Variants in LARGE1 observed in about 807,000 individuals in gnomAD.
The protein encoded by LARGE1 is LARGE xylosyl- and glucuronyltransferase 1, also known as xylosyl- and glucuronyltransferase LARGE1.
A neutral mutation model predicts 87.6 loss-of-function variants in LARGE1; 43 were observed. The observed-to-expected ratio is 0.49, with a 90% CI of 0.38 to 0.63. LARGE1 has a LOEUF of 0.63. Among genes scored for constraint, LARGE1 ranks in the 30% least tolerant of loss-of-function variants. LARGE1 has a pLI of 0.00. For missense variants in LARGE1, 802 were observed against 1,000.2 expected (o/e 0.80, Z 2.67); for synonymous variants, 434 against 394.6 (o/e 1.10, Z -1.18).
chr22:33,206,536 CGT>C (rs2078757795), intron 11 of LARGE1, among the ~76,000 whole-genome samples: 1 of 152,140 alleles, frequency 6.6e-6, no homozygotes, highest in Non-Finnish European at 1.5e-5. Context: ...AGTCACAAGT[CGT>C]TTGGGACAGA....
chr22:33,290,279 G>C (rs538149834), intron 12 of LARGE1, among the ~76,000 whole-genome samples: 4 of 152,232 alleles, frequency 2.6e-5, no homozygotes, highest in East Asian at 1.9e-4. Flanking sequence ...AAAGTGTCTC[G>C]GAAGACATAA....
intron 7 of LARGE1, among the ~76,000 whole-genome samples, chr22:33,430,032 G>A (rs2067021810): frequency 6.6e-6 from 1 of 152,172 alleles, no homozygotes; most frequent in Non-Finnish European, 1.5e-5. Context: ...CTCCTGCACA[G>A]ACCTAGTCAA....
At chr22:33,421,619 C>T (rs1403970288) in intron 7 of LARGE1, among the ~76,000 whole-genome samples, 2 of 152,250 alleles carry the variant, frequency 1.3e-5, no homozygotes, top group East Asian at 3.8e-4. Flanking sequence ...ATGTGCTAAA[C>T]CTTGTCTCAT....
chr22:33,604,340 C>T, intron 5 of LARGE1, 95 bp downstream of exon 5: 1 of 1,516,756 alleles, frequency 6.6e-7, no homozygotes, highest in South Asian at 1.1e-5. Context: ...CAGTTAGGAG[C>T]TGAGATTTCT....
At chr22:33,862,744 GTTC>G (rs1227926292) in intron 1 of LARGE1, among the ~76,000 whole-genome samples, 1 of 152,104 alleles carries the variant, frequency 6.6e-6, no homozygotes, top group Admixed American at 6.5e-5. Flanking sequence ...TAAAACATAA[GTTC>G]TTCTTGTGAG....
chr22:33,412,647 T>A (rs1332272241), intron 7 of LARGE1, among the ~76,000 whole-genome samples: 1 of 151,102 alleles, frequency 6.6e-6, no homozygotes, highest in Non-Finnish European at 1.5e-5. Flanking sequence ...ATAATCTGAT[T>A]TTTATTTTAT....
chr22:33,789,776 T>C (rs1030912238), intron 1 of LARGE1, among the ~76,000 whole-genome samples: 1 of 152,224 alleles, frequency 6.6e-6, no homozygotes, highest in African/African-American at 2.4e-5. Flanking sequence ...TTTTGGCCAA[T>C]GTCTCCAATT....
intron 9 of LARGE1, among the ~76,000 whole-genome samples, chr22:33,340,798 G>T (rs1302267803): frequency 1.3e-5 from 2 of 151,870 alleles, no homozygotes; most frequent in Non-Finnish European, 2.9e-5. Context: ...AAGAAACAGT[G>T]AAGAAGTGAC....
the LARGE1 span, among the ~76,000 whole-genome samples, chr22:33,107,484 G>A: frequency 2.4e-3 from 366 of 152,308 alleles, no homozygotes; most frequent in African/African-American, 8.0e-3. Context: ...GAGCCCAGGA[G>A]GTCGAGGCTG....
intron 11 of LARGE1, among the ~76,000 whole-genome samples, chr22:33,248,834 A>G (rs1171034173): frequency 6.6e-6 from 1 of 152,166 alleles, no homozygotes; most frequent in African/African-American, 2.4e-5. Flanking sequence ...GGCATCTTTT[A>G]CTTAGTAAAA....
chr22:33,319,687 C>T (rs964407537), intron 10 of LARGE1, among the ~76,000 whole-genome samples: 10 of 152,162 alleles, frequency 6.6e-5, no homozygotes, highest in Admixed American at 2.0e-4. Flanking sequence ...TGAGCTACCG[C>T]GCCCGGCCAA....
intron 6 of LARGE1, among the ~76,000 whole-genome samples, chr22:33,459,871 C>T (rs1256797409): frequency 6.6e-6 from 1 of 152,152 alleles, no homozygotes; most frequent in East Asian, 1.9e-4. Flanking sequence ...CCAATAGCAC[C>T]CAAGAACAAT....
At chr22:33,599,697 A>G (rs1238949386) in intron 5 of LARGE1, among the ~76,000 whole-genome samples, 1 of 152,138 alleles carries the variant, frequency 6.6e-6, no homozygotes, top group East Asian at 1.9e-4. Flanking sequence ...AACAGATATC[A>G]TAAGGGGCCC....
chr22:33,506,000 G>A (rs1353199245), intron 6 of LARGE1, among the ~76,000 whole-genome samples: 2 of 152,026 alleles, frequency 1.3e-5, no homozygotes, highest in East Asian at 3.9e-4. Context: ...GTGCCAATGT[G>A]CAAATCAAAG....
rs5845080 is a variant in LARGE1, at chr22:33,358,301, G to GTT, written c.1132-20502_1132-20501dup. Among the ~76,000 whole-genome samples, 417 of 150,848 alleles carry GTT rather than the reference G, an allele frequency of 2.8e-3. 1 individual carries two copies. The highest frequency in any genetic ancestry group is 0.01 in the Middle Eastern group (3 of 292). ...TAGATCTTCTCCCCCAAAACCAACT[G>GTT]TTTTTTTTTCTTCCTTGATCCATCC... On this transcript the variant is annotated intron_variant, in intron 9 of 14. Coordinates refer to ENST00000397394, the MANE Select transcript of LARGE1 (RefSeq NM_133642.5).
chr22:33,455,786 A>C (rs747042510), intron 6 of LARGE1, among the ~76,000 whole-genome samples: 41 of 145,340 alleles, frequency 2.8e-4, no homozygotes, highest in Non-Finnish European at 5.6e-4. Flanking sequence ...AAAAATTGCT[A>C]TTGGTTTAAA....
intron 7 of LARGE1, among the ~76,000 whole-genome samples, chr22:33,420,185 C>T (rs1473158012): frequency 1.3e-5 from 2 of 152,168 alleles, no homozygotes; most frequent in African/African-American, 4.8e-5. Context: ...GTCTTCGAAA[C>T]ACTTATCTTC....
chr22:33,587,285 G>A (rs1378543611), intron 5 of LARGE1, among the ~76,000 whole-genome samples: 1 of 152,102 alleles, frequency 6.6e-6, no homozygotes, highest in East Asian at 1.9e-4. Context: ...TTTCCTTGGA[G>A]CAAAGAATTT....
intron 1 of LARGE1, among the ~76,000 whole-genome samples, chr22:33,825,818 A>G (rs1180395319): frequency 1.3e-5 from 2 of 152,172 alleles, no homozygotes; most frequent in African/African-American, 4.8e-5. Flanking sequence ...CCTGACTCCA[A>G]CAGAGACTGG....
Sources: gnomAD v4.1 joint callset for allele counts (sites outside exome capture counted in the v4.1 genomes callset) on GRCh38, gnomAD v4.1.1 for gene constraint, MANE v1.5 for transcripts, NCBI Gene and HGNC (gene_info 2026-07-23, HGNC 2026-07-21) for gene names.